Variants in ASAH1 observed in about 807,000 individuals in gnomAD.
ASAH1 encodes the protein acid ceramidase.
A neutral mutation model predicts 59.5 loss-of-function variants in ASAH1; 70 were observed. That is an observed-to-expected ratio of 1.18 (90% CI 0.97 to 1.43). The LOEUF is 1.43. Ranked by LOEUF, ASAH1 falls within the 40% of genes most tolerant of loss-of-function variation. ASAH1 has a pLI of 0.00. For missense variants in ASAH1, 660 were observed against 482.5 expected, an observed-to-expected ratio of 1.37 and a Z score of -3.45; for synonymous variants, 213 against 166.5, an observed-to-expected ratio of 1.28 and a Z score of -2.15.
At chr8:18,062,243 G>A (rs753659692) in intron 8 of ASAH1, 36 bp downstream of exon 8, 2 of 1,613,534 alleles carry the variant, frequency 1.2e-6, no homozygotes, top group South Asian at 2.2e-5. Flanking sequence ...AGGACAGAAG[G>A]CTACCTGTAT....
upstream of ASAH1, chr8:18,084,722 G>A: frequency 1.2e-6 from 2 of 1,613,784 alleles, no homozygotes; most frequent in Non-Finnish European, 1.7e-6. Context: ...TGAGGCCTCG[G>A]TGAAAAGCGC....
chr8:18,067,133 C>A (rs1799961398), intron 5 of ASAH1, 87 bp downstream of exon 5: 1 of 569,772 alleles, frequency 1.8e-6, no homozygotes, highest in Non-Finnish European at 2.4e-6. Context: ...ACATACAGCA[C>A]CTGTGCTGTA....
rs764451074 is a variant in ASAH1, at chr8:18,056,503, A to C, written c.*1031T>G. On this transcript the variant is annotated 3_prime_UTR_variant, in exon 14 of 14. Coordinates refer to ENST00000637790, the MANE Select transcript of ASAH1 (RefSeq NM_177924.5). ...GTCAGGAACACAACTGTGATTATAC[A>C]AAATGAAGTGGACAAACGGTCTTGC... is the stretch of plus-strand genomic sequence containing the variant. 6.6e-6 allele frequency: 1 copy of C among 152,246 alleles called. No individual in the cohort carries two copies. The highest frequency in any genetic ancestry group is 1.5e-5 in the Non-Finnish European group (1 of 68,048). 9.4% of individuals were successfully genotyped at this position (152,246 alleles called of 1,614,324 possible).
intron 2 of ASAH1, among the ~76,000 whole-genome samples, chr8:18,074,586 A>G (rs1800312369): frequency 1.3e-5 from 2 of 152,162 alleles, no homozygotes; most frequent in Admixed American, 1.3e-4. Flanking sequence ...AGTGTAGGAG[A>G]AAAAGATCAC....
intron 3 of ASAH1, among the ~76,000 whole-genome samples, chr8:18,070,837 A>G (rs1800139951): frequency 6.6e-6 from 1 of 152,248 alleles, no homozygotes; most frequent in Admixed American, 6.5e-5. Flanking sequence ...TAAAAATACA[A>G]TAATATTTAA....
chr8:18,062,759 G>A (rs1023851444), intron 7 of ASAH1: 5 of 394,488 alleles, frequency 1.3e-5, no homozygotes, highest in East Asian at 5.9e-5. Context: ...CAGCACTCAA[G>A]CAATCCATTT....
rs1799461269 is a variant in ASAH1, at chr8:18,056,111, T to G, written c.*1423A>C. The G allele has an allele frequency of 6.6e-6, 1 of 152,224 alleles. No homozygotes were observed. Among genetic ancestry groups the G allele is most frequent in the South Asian group, 2.1e-4 (1 of 4,834 alleles). The allele number at this position is 152,224 out of a possible 1,614,324, so 9.4% of individuals were successfully genotyped here. On this transcript the variant is annotated 3_prime_UTR_variant, in exon 14 of 14. Coordinates refer to ENST00000637790, the MANE Select transcript of ASAH1 (RefSeq NM_177924.5). ...TAGAAAATCTGAGTAAAGTTTTTTTTTCATTAATTAAATCCTATTTTAATG... is the reference window on the plus strand; with the variant it reads ...TAGAAAATCTGAGTAAAGTTTTTTTGTCATTAATTAAATCCTATTTTAATG...
intron 1 of ASAH1, 143 bp downstream of exon 1, chr8:18,083,838 C>T: frequency 6.7e-7 from 1 of 1,492,158 alleles, no homozygotes; most frequent in South Asian, 1.3e-5. Flanking sequence ...CACCCACACC[C>T]CTGTGCACGA....
chr8:18,075,964 G>T, intron 1 of ASAH1: 1 of 317,918 alleles, frequency 3.1e-6, no homozygotes, highest in Non-Finnish European at 6.1e-6. Flanking sequence ...CATGTGTGTT[G>T]CAACCTGTCC....
At chr8:18,061,484 G>A in intron 9 of ASAH1, 26 bp from the exon 10 acceptor site, 2 of 1,584,136 alleles carry the variant, frequency 1.3e-6, no homozygotes, top group Non-Finnish European at 1.7e-6. Context: ...ACAATGTCAG[G>A]AACCGGAAGA....
chr8:18,058,510 A>G (rs868010175), intron 13 of ASAH1: 13 of 265,822 alleles, frequency 4.9e-5, no homozygotes, highest in African/African-American at 1.8e-4. Context: ...TGGACTGCAG[A>G]CTTTGTTTTG....
chr8:18,065,374 G>A (rs537512440), intron 5 of ASAH1: 1 of 152,028 alleles, frequency 6.6e-6, no homozygotes, highest in South Asian at 2.1e-4. Context: ...TCTTTTAAAT[G>A]AGTTTTTTAA....
intron 5 of ASAH1, 95 bp downstream of exon 5, chr8:18,067,125 A>C (rs144722013): frequency 1.8e-6 from 1 of 567,534 alleles, no homozygotes; most frequent in Non-Finnish European, 2.4e-6. Context: ...TATCTAAGAC[A>C]TACAGCACCT....
At chr8:18,061,962 G>A (rs1208606961) in intron 8 of ASAH1, 2 of 627,520 alleles carry the variant, frequency 3.2e-6, no homozygotes, top group East Asian at 2.8e-5. Flanking sequence ...TTTTTGGACA[G>A]GAAACTGAAG....
chr8:18,066,426 A>AC (rs1173904311), intron 5 of ASAH1: 3 of 149,472 alleles, frequency 2.0e-5, no homozygotes, highest in Admixed American at 2.0e-4. Flanking sequence ...GAAAACCAAA[A>AC]AAAAAAAAAA....
intron 4 of ASAH1, chr8:18,069,559 G>T (rs1327128399): frequency 1.3e-5 from 6 of 447,466 alleles, no homozygotes; most frequent in African/African-American, 5.9e-5. Context: ...ATGGTTATTT[G>T]CCCAATGTCG....
At position 18,059,984 on chromosome 8, in the gene ASAH1, C is replaced by T. The variant is rs115119893; in HGVS notation, c.786-281G>A. 2,031 of 361,458 alleles carry T rather than the reference C, an allele frequency of 5.6e-3. 32 individuals are homozygous for T. The highest frequency in any genetic ancestry group is 0.04 in the African/African-American group (1,907 of 47,856). 22.4% of individuals were successfully genotyped at this position (361,458 alleles called of 1,614,324 possible). On this transcript the variant is annotated intron_variant, in intron 10 of 13. Coordinates refer to ENST00000637790, the MANE Select transcript of ASAH1 (RefSeq NM_177924.5). Reference sequence around the variant, plus strand: ...CGTGATGTTCCCCTCCCTGTGTTCACGTGTTCTCTTTGTTCAGCTCTCACT... The same window carrying T: ...CGTGATGTTCCCCTCCCTGTGTTCATGTGTTCTCTTTGTTCAGCTCTCACT...
intron 8 of ASAH1, 63 bp from the exon 9 acceptor site, chr8:18,061,803 T>A: frequency 7.0e-7 from 1 of 1,431,784 alleles, no homozygotes; most frequent in Non-Finnish European, 9.6e-7. Context: ...GCCCTGTCGC[T>A]CACTGTACTT....
chr8:18,067,271 G>T lies in ASAH1; in HGVS notation c.331C>A (p.Pro111Thr). Reference protein sequence around the residue: ...LPGLLGNFPGPFEEEMKGIAA... With the variant: ...LPGLLGNFPGTFEEEMKGIAA... ...ATACCCTTCATTTCCTCTTCAAAAG[G>T]GCCAGGAAAGTTGCCAAGTAGGCCA... Residue 111 changes from proline (P) to threonine (T), a missense_variant, in exon 5 of 14, where the codon CCT becomes ACT. Physicochemically the swap from Pro to Thr is conservative, Grantham distance 38. Coordinates refer to ENST00000637790, the MANE Select transcript of ASAH1 (RefSeq NM_177924.5). 1 of 1,594,820 alleles carries T rather than the reference G, an allele frequency of 6.3e-7. No individual in the cohort carries two copies. Among genetic ancestry groups the T allele is most frequent in the Non-Finnish European group, 8.5e-7 (1 of 1,169,858 alleles).
Sources: allele counts gnomAD v4.1 joint callset (sites outside exome capture counted in the v4.1 genomes callset), GRCh38; gene constraint gnomAD v4.1.1; transcripts MANE v1.5; gene names NCBI Gene and HGNC (gene_info 2026-07-23, HGNC 2026-07-21).